Variants in CHSY3 observed in about 807,000 individuals in gnomAD.
The protein encoded by CHSY3 is N-acetylgalactosaminyl-proteoglycan 3-beta-glucuronosyltransferase 3.
Under a neutral mutation model 67.2 loss-of-function variants are expected in CHSY3, and 35 were observed. That is an observed-to-expected ratio of 0.52 (90% CI 0.40 to 0.69). CHSY3 has a LOEUF of 0.69. CHSY3 is among the 30% of genes least tolerant of loss of function. The pLI is 0.00. For synonymous variants in CHSY3, 474 were observed against 434.7 expected (o/e 1.09, Z -1.12); for missense variants, 1,069 against 1,138.5 (o/e 0.94, Z 0.88).
At chr5:130,015,797 GCACTAGTCA>G (rs1252841227) in intron 2 of CHSY3, among the ~76,000 whole-genome samples, 3 of 152,134 alleles carry the variant, frequency 2.0e-5, no homozygotes, top group Non-Finnish European at 4.4e-5. Flanking sequence ...GTTCATCTCT[GCACTAGTCA>G]CCACAGCAAA....
intron 2 of CHSY3, among the ~76,000 whole-genome samples, chr5:129,924,011 C>T (rs1005793857): frequency 6.6e-6 from 1 of 151,926 alleles, no homozygotes; most frequent in African/African-American, 2.4e-5. Flanking sequence ...GTATCACAGC[C>T]ATAGAATTAA....
intron 2 of CHSY3, among the ~76,000 whole-genome samples, chr5:130,149,438 G>T (rs1052204468): frequency 2.0e-4 from 30 of 152,306 alleles, no homozygotes; most frequent in African/African-American, 6.5e-4. Context: ...GAGCAAGAGA[G>T]AATGGGGGAC....
chr5:130,097,446 C>A (rs1470702680), intron 2 of CHSY3, among the ~76,000 whole-genome samples: 1 of 152,170 alleles, frequency 6.6e-6, no homozygotes, highest in Non-Finnish European at 1.5e-5. Context: ...CACAGATGAA[C>A]CTCCAGGAGA....
At chr5:129,908,575 C>T (rs1463988713) in intron 2 of CHSY3, among the ~76,000 whole-genome samples, 1 of 152,112 alleles carries the variant, frequency 6.6e-6, no homozygotes, top group Admixed American at 6.5e-5. Context: ...TAACTTTAAG[C>T]AGTGGCCTAT....
chr5:130,151,833 C>T (rs1428047191), intron 2 of CHSY3, among the ~76,000 whole-genome samples: 2 of 152,182 alleles, frequency 1.3e-5, no homozygotes, highest in Non-Finnish European at 2.9e-5. Context: ...TATGAGGTTA[C>T]AATTCCAGAT....
intron 2 of CHSY3, among the ~76,000 whole-genome samples, chr5:130,068,763 T>A (rs1365336194): frequency 6.6e-6 from 1 of 152,180 alleles, no homozygotes; most frequent in East Asian, 1.9e-4. Flanking sequence ...GTCAACTTAT[T>A]TACAGCCTGC....
chr5:129,930,563 T>A, intron 2 of CHSY3, among the ~76,000 whole-genome samples: 1 of 143,300 alleles, frequency 7.0e-6, no homozygotes. Context: ...TTTCCAAGCA[T>A]AGAGAAGGAA....
chr5:130,009,802 T>C (rs1204034349), intron 2 of CHSY3, among the ~76,000 whole-genome samples: 1 of 151,992 alleles, frequency 6.6e-6, no homozygotes, highest in Non-Finnish European at 1.5e-5. Context: ...GAAAAATCCA[T>C]CAAGAAAACA....
intron 2 of CHSY3, among the ~76,000 whole-genome samples, chr5:129,922,308 A>G (rs1348593525): frequency 6.6e-6 from 1 of 152,242 alleles, no homozygotes; most frequent in African/African-American, 2.4e-5. Context: ...GTGTGCAAAT[A>G]TCTCTTCAAT....
At chr5:130,146,782 T>TTGTTTTGTTA (rs77159616) in intron 2 of CHSY3, among the ~76,000 whole-genome samples, 3 of 151,280 alleles carry the variant, frequency 2.0e-5, no homozygotes, top group Non-Finnish European at 2.9e-5. Context: ...CATTTGTTTT[T>TTGTTTTGTTA]TGTTTTGTTT....
intron 2 of CHSY3, among the ~76,000 whole-genome samples, chr5:130,045,226 C>G (rs1448253527): frequency 6.6e-6 from 1 of 152,048 alleles, no homozygotes; most frequent in Admixed American, 6.6e-5. Context: ...ATCTTCACCT[C>G]CTGGACCTGA....
intron 2 of CHSY3, among the ~76,000 whole-genome samples, chr5:130,040,095 G>A (rs1045063140): frequency 1.3e-5 from 2 of 152,038 alleles, no homozygotes; most frequent in Admixed American, 6.6e-5. Flanking sequence ...TGTCTCCATC[G>A]ACCACAGTAT....
At chr5:130,007,974 C>T (rs1255170202) in intron 2 of CHSY3, among the ~76,000 whole-genome samples, 1 of 152,186 alleles carries the variant, frequency 6.6e-6, no homozygotes. Context: ...CCTTGGCTAA[C>T]CATCAGAGAT....
At chr5:130,043,509 C>A (rs917431110) in intron 2 of CHSY3, among the ~76,000 whole-genome samples, 4 of 152,066 alleles carry the variant, frequency 2.6e-5, no homozygotes, top group African/African-American at 9.7e-5. Flanking sequence ...ACAGTCTTGT[C>A]CACGTGGGTC....
In CHSY3 at chr5:129,955,995, C is replaced by T. The variant is rs182883474; in HGVS notation, c.1086+47635C>T. ...TTTGCTATCATAAGCAGTGAACCTACACATGTATGTGTCTTTACCATAGAA... is the reference window on the plus strand; with the variant it reads ...TTTGCTATCATAAGCAGTGAACCTATACATGTATGTGTCTTTACCATAGAA... On this transcript the variant is annotated intron_variant, in intron 2 of 2. Transcript: ENST00000305031. Among the ~76,000 whole-genome samples, 5 of 152,188 alleles carry T rather than the reference C, an allele frequency of 3.3e-5. No individual in the cohort carries two copies. The East Asian group carries it at 9.7e-4, about 29-fold the overall frequency.
upstream of CHSY3, among the ~76,000 whole-genome samples, chr5:129,904,190 G>C (rs550323159): frequency 2.5e-4 from 38 of 152,166 alleles, no homozygotes; most frequent in Admixed American, 4.6e-4. Context: ...TGGGGGAGGA[G>C]GGAAGAGGGG....
chr5:130,176,547 T>C (rs780968374), intron 2 of CHSY3, among the ~76,000 whole-genome samples: 3 of 152,204 alleles, frequency 2.0e-5, no homozygotes, highest in East Asian at 1.9e-4. Context: ...TGCACACGTA[T>C]GTTTATTGCA....
intron 2 of CHSY3, among the ~76,000 whole-genome samples, chr5:130,066,313 A>G (rs933512673): frequency 3.9e-5 from 6 of 152,094 alleles, no homozygotes; most frequent in Non-Finnish European, 7.4e-5. Flanking sequence ...CCCTCAAAAT[A>G]ATACCGCATG....
At chr5:130,094,506 G>A (rs1253551592) in intron 2 of CHSY3, among the ~76,000 whole-genome samples, 3 of 152,092 alleles carry the variant, frequency 2.0e-5, no homozygotes, top group Non-Finnish European at 4.4e-5. Flanking sequence ...TGAAGTAAAA[G>A]CTTGTTTTTG....
Sources: allele counts gnomAD v4.1 joint callset (sites outside exome capture counted in the v4.1 genomes callset), GRCh38; gene constraint gnomAD v4.1.1; transcripts MANE v1.5; gene names NCBI Gene and HGNC (gene_info 2026-07-23, HGNC 2026-07-21).